The following TCF7 variants were observed in gnomAD, a reference collection of about 807,000 sequenced individuals.
TCF7 encodes the protein transcription factor 7, also known as T-cell-factor-7.
In TCF7, 19 loss-of-function variants were observed where a neutral mutation model predicts 46.8. The observed-to-expected ratio is 0.41, with a 90% CI of 0.28 to 0.60. The LOEUF (loss-of-function observed/expected upper bound fraction) is 0.60, where lower values mean the gene tolerates loss of function less well. Ranked by LOEUF, TCF7 falls within the 20% of genes least tolerant of loss-of-function variation. The pLI is 0.35. For synonymous variants in TCF7, 245 were observed against 213.4 expected, an observed-to-expected ratio of 1.15 and a Z score of -1.29; for missense variants, 547 against 504.6, an observed-to-expected ratio of 1.08 and a Z score of -0.81.
intron 3 of TCF7, among the ~76,000 whole-genome samples, chr5:134,129,389 C>T (rs887498455): frequency 2.6e-5 from 4 of 152,316 alleles, no homozygotes; most frequent in Non-Finnish European, 5.9e-5. Flanking sequence ...CCAAAGACAG[C>T]GGAGCTATGA....
chr5:134,137,401 G>C (rs1759032720), intron 3 of TCF7, among the ~76,000 whole-genome samples: 1 of 147,026 alleles, frequency 6.8e-6, no homozygotes, highest in East Asian at 2.0e-4. Context: ...ACTCCAGCCT[G>C]GGCCACAGAG....
intron 4 of TCF7, chr5:134,138,664 C>G (rs750666506): frequency 7.6e-6 from 3 of 394,876 alleles, no homozygotes; most frequent in African/African-American, 4.0e-5. Flanking sequence ...TGGAGTCCCC[C>G]GAGCAGAGAT....
At chr5:134,143,780 A>C (rs1469475741) in intron 9 of TCF7, 140 bp downstream of exon 9, 1 of 879,806 alleles carries the variant, frequency 1.1e-6, no homozygotes, top group African/African-American at 1.7e-5. Context: ...CAAGGCCTGC[A>C]TCTCACAAGT....
At position 134,146,726 on chromosome 5, in the gene TCF7, G is replaced by A. The variant is rs766899158; in HGVS notation, c.*423G>A. On this transcript the variant is annotated 3_prime_UTR_variant, in exon 10 of 10. Transcript: ENST00000342854. ...TGGTGGGAATCAGATCTGTCTTGAT[G>A]TGTCATCTAATTAAGGGAATCCCTT... 5 of 597,538 alleles carry A rather than the reference G, an allele frequency of 8.4e-6. No individual in the cohort carries two copies. Among genetic ancestry groups the A allele is most frequent in the Non-Finnish European group, 1.5e-5 (5 of 338,430 alleles). The allele number at this position is 597,538 out of a possible 1,614,324, so 37.0% of individuals were successfully genotyped here. A position where few individuals can be genotyped will look rare whatever the true frequency, so the allele number is the denominator to read the frequency against.
intron 3 of TCF7, among the ~76,000 whole-genome samples, chr5:134,130,335 T>C (rs1483452565): frequency 6.6e-6 from 1 of 152,182 alleles, no homozygotes. Flanking sequence ...CAAAGCGCCA[T>C]TGATGCTGGA....
the TCF7 span, among the ~76,000 whole-genome samples, chr5:134,109,370 A>G: frequency 0.8 from 121,699 of 152,118 alleles, 49,033 homozygotes; most frequent in Non-Finnish European, 0.86. Context: ...TGACCCCCAC[A>G]TGAACACCAG....
chr5:134,135,673 T>G (rs1758760484), intron 3 of TCF7, among the ~76,000 whole-genome samples: 1 of 152,020 alleles, frequency 6.6e-6, no homozygotes, highest in Admixed American at 6.6e-5. Flanking sequence ...CTGGATATGT[T>G]GAGTTTAGGG....
intron 4 of TCF7, 140 bp from the exon 5 acceptor site, chr5:134,138,811 G>GA: frequency 1.5e-6 from 2 of 1,338,548 alleles, no homozygotes; most frequent in South Asian, 2.9e-5. Flanking sequence ...GGATCCTCCT[G>GA]AATAAACTAG....
chr5:134,110,346 T>A (rs762238474), upstream of TCF7, among the ~76,000 whole-genome samples: 11 of 152,202 alleles, frequency 7.2e-5, no homozygotes, highest in Admixed American at 2.6e-4. Flanking sequence ...TCCTTCCTTA[T>A]GAAGAAAGAA....
chr5:134,139,245 G>T (rs1759371160), intron 5 of TCF7: 3 of 700,200 alleles, frequency 4.3e-6, no homozygotes, highest in Non-Finnish European at 6.9e-6. Flanking sequence ...CAGGGAGCCT[G>T]ACATACTCCC....
At chr5:134,137,966 T>C (rs1020308659) in intron 3 of TCF7, 93 bp from the exon 4 acceptor site, 1 of 1,111,026 alleles carries the variant, frequency 9.0e-7, no homozygotes, top group African/African-American at 1.6e-5. Context: ...CCACCACTTT[T>C]CTTTGACAGC....
intron 3 of TCF7, among the ~76,000 whole-genome samples, chr5:134,116,842 C>G (rs956078363): frequency 6.6e-6 from 1 of 152,340 alleles, no homozygotes; most frequent in South Asian, 2.1e-4. Context: ...GTTTCACACT[C>G]TCCTCAGTTG....
chr5:134,140,634 G>A (rs1194729290), intron 5 of TCF7: 1 of 365,750 alleles, frequency 2.7e-6, no homozygotes, highest in East Asian at 8.1e-5. Flanking sequence ...AGTTTATAGA[G>A]GGAAACCGCA....
At chr5:134,117,661 C>T (rs1468781072) in intron 3 of TCF7, among the ~76,000 whole-genome samples, 1 of 152,184 alleles carries the variant, frequency 6.6e-6, no homozygotes, top group African/African-American at 2.4e-5. Flanking sequence ...ATTTGGTGTC[C>T]TTTGGGCCAC....
intron 8 of TCF7, 61 bp downstream of exon 8, chr5:134,143,161 A>G: frequency 6.7e-7 from 1 of 1,502,644 alleles, no homozygotes; most frequent in Non-Finnish European, 9.1e-7. Flanking sequence ...ACCATGCCCC[A>G]GGCCACAATC....
chr5:134,133,064 A>C (rs553701654), intron 3 of TCF7, among the ~76,000 whole-genome samples: 6 of 152,304 alleles, frequency 3.9e-5, no homozygotes, highest in Admixed American at 3.9e-4. Flanking sequence ...GAGCCCTGTC[A>C]CCAGGCATCC....
In TCF7 at chr5:134,143,249, G is replaced by T. The variant is rs1760139850; in HGVS notation, c.1026+149G>T. On this transcript the variant is annotated intron_variant, in intron 8 of 9. Transcript: ENST00000342854. ...GGAGGGTCCAAGGCCTCCCATGGCTGCCTCAGAAGAGGACAAGCCCACATC... is the reference window on the plus strand; with the variant it reads ...GGAGGGTCCAAGGCCTCCCATGGCTTCCTCAGAAGAGGACAAGCCCACATC... 9.6e-6 allele frequency: 8 copies of T among 834,272 alleles called. 1 individual carries two copies. The highest frequency in any genetic ancestry group is 9.1e-5 in the South Asian group (6 of 65,844). 51.7% of individuals were successfully genotyped at this position (834,272 alleles called of 1,614,324 possible).
intron 8 of TCF7, 29 bp from the exon 9 acceptor site, chr5:134,143,563 C>T (rs763177315): frequency 6.2e-7 from 1 of 1,614,118 alleles, no homozygotes; most frequent in African/African-American, 1.3e-5. Context: ...CCTCCCAGAT[C>T]TGAGCATCCC....
At chr5:134,136,612 C>T (rs1335986540) in intron 3 of TCF7, among the ~76,000 whole-genome samples, 1 of 152,164 alleles carries the variant, frequency 6.6e-6, no homozygotes, top group East Asian at 1.9e-4. Context: ...AGGGCTTATA[C>T]CCAGCCTTCC....
Sources: gnomAD v4.1 joint callset for allele counts (sites outside exome capture counted in the v4.1 genomes callset) on GRCh38, gnomAD v4.1.1 for gene constraint, MANE v1.5 for transcripts, NCBI Gene and HGNC (gene_info 2026-07-23, HGNC 2026-07-21) for gene names.